FIBCD1: variants seen among roughly 807,000 people sequenced by gnomAD.
The protein encoded by FIBCD1 is fibrinogen C domain containing 1.
Under a neutral mutation model 45.1 loss-of-function variants are expected in FIBCD1, and 47 were observed. The ratio of observed to expected loss-of-function variants is 1.04; its 90% CI spans 0.82 to 1.33. The LOEUF (loss-of-function observed/expected upper bound fraction) is 1.33, where lower values mean the gene tolerates loss of function less well. Among genes scored for constraint, FIBCD1 ranks in the 40% most tolerant of loss-of-function variants. FIBCD1 has a pLI of 0.00. For synonymous variants in FIBCD1, 313 were observed against 308.1 expected (o/e 1.02, Z -0.17); for missense variants, 653 against 682.2 (o/e 0.96, Z 0.48).
At chr9:130,928,068 T>C (rs868593148) in intron 2 of FIBCD1, among the ~76,000 whole-genome samples, 9 of 152,146 alleles carry the variant, frequency 5.9e-5, no homozygotes, top group Admixed American at 2.6e-4. Flanking sequence ...TCTGGGAAGC[T>C]TGGAAGGGAG....
chr9:130,939,351 G>A (rs998392096), upstream of FIBCD1: 1 of 152,202 alleles, frequency 6.6e-6, no homozygotes, highest in African/African-American at 2.4e-5. Flanking sequence ...AGGCTGCGCC[G>A]GGGGCAGTTT....
chr9:130,904,473 G>A (rs1486406173), intron 6 of FIBCD1, 150 bp from the exon 7 acceptor site: 13 of 1,136,808 alleles, frequency 1.1e-5, no homozygotes, highest in South Asian at 4.7e-5. Context: ...TGCTGTGCAC[G>A]CGTGCAAGCG....
rs762931223 is a variant in FIBCD1 at position 130,911,781 on chromosome 9, G to C, written c.946+11C>G. 6.3e-7 allele frequency: 1 copy of C among 1,590,254 alleles called. No individual in the cohort carries two copies. The highest frequency in any genetic ancestry group is 8.6e-7 in the Non-Finnish European group (1 of 1,169,362). On this transcript the variant is annotated intron_variant, in intron 5 of 6. Coordinates refer to ENST00000372338, the MANE Select transcript of FIBCD1 (RefSeq NM_032843.5). ...GGCCCACCTGGGCCGGATGGTGGGT[G>C]GGGTGCTCACCTAGCCAGTGCTCCC... is the stretch of plus-strand genomic sequence containing the variant.
Position 130,938,575 on chromosome 9 carries a change from G to T in FIBCD1, c.33C>A (p.Gly11=). 6.7e-7 allele frequency: 1 copy of T among 1,488,844 alleles called. No homozygotes were observed. Among genetic ancestry groups the T allele is most frequent in the Non-Finnish European group, 8.9e-7 (1 of 1,124,484 alleles). The allele number at this position is 1,488,844 out of a possible 1,614,324, so 92.2% of individuals were successfully genotyped here. A position where few individuals can be genotyped will look rare whatever the true frequency, so the allele number is the denominator to read the frequency against. The part of the protein sequence containing the change: MVNDRWKTMG[G]AAQLEDRPRD... ...GCGGCCGGTCCTCAAGTTGGGCAGCGCCGCCCATGGTCTTCCACCGGTCGT... is the reference window on the plus strand; with the variant it reads ...GCGGCCGGTCCTCAAGTTGGGCAGCTCCGCCCATGGTCTTCCACCGGTCGT... The change falls in exon 1 of 7, where the codon GGC becomes GGA. Residue 11 remains glycine, a synonymous_variant. Coordinates refer to ENST00000372338, the MANE Select transcript of FIBCD1 (RefSeq NM_032843.5).
rs769160164 is a variant in FIBCD1 at position 130,924,415 on chromosome 9, G to A, written c.553-19C>T. ...AGAGAAGCTGCGGAGCACAGGGGGTGAGCCGAGGGGGCAGGGGCTCTGTTG... is the reference window on the plus strand; with the variant it reads ...AGAGAAGCTGCGGAGCACAGGGGGTAAGCCGAGGGGGCAGGGGCTCTGTTG... On this transcript the variant is annotated intron_variant, in intron 2 of 6. Coordinates refer to ENST00000372338, the MANE Select transcript of FIBCD1 (RefSeq NM_032843.5). The A allele has an allele frequency of 2.5e-6, 4 of 1,596,064 alleles. No individual in the cohort carries two copies. The East Asian group carries it at 6.8e-5, about 27-fold the overall frequency.
chr9:130,915,896 C>T (rs536359368), intron 4 of FIBCD1, among the ~76,000 whole-genome samples: 69 of 152,320 alleles, frequency 4.5e-4, no homozygotes, highest in Middle Eastern at 3.4e-3. Flanking sequence ...CGCATCCAGA[C>T]TCCAGACTTA....
At chr9:130,938,333 G>A (rs1297433021) in intron 1 of FIBCD1, 3 of 448,466 alleles carry the variant, frequency 6.7e-6, no homozygotes, top group Non-Finnish European at 1.2e-5. Context: ...GGCTCCTGCA[G>A]GGGTGCCGCC....
At chr9:130,912,671 C>A (rs947939509) in intron 4 of FIBCD1, among the ~76,000 whole-genome samples, 3 of 150,452 alleles carry the variant, frequency 2.0e-5, no homozygotes, top group African/African-American at 7.4e-5. Flanking sequence ...CATGCCACTA[C>A]ACTCCAGCCT....
At chr9:130,915,020 T>C (rs1034734191) in intron 4 of FIBCD1, among the ~76,000 whole-genome samples, 1 of 152,196 alleles carries the variant, frequency 6.6e-6, no homozygotes, top group African/African-American at 2.4e-5. Context: ...GCCGACTACA[T>C]CTTGTGCCCT....
At chr9:130,904,639 G>A (rs968535136) in intron 6 of FIBCD1, among the ~76,000 whole-genome samples, 7 of 149,260 alleles carry the variant, frequency 4.7e-5, no homozygotes, top group Non-Finnish European at 1.1e-4. Context: ...CTCGGCCTGA[G>A]AGGGGAAACC....
Position 130,903,720 on chromosome 9 carries a change from G to A in FIBCD1, c.*344C>T, listed in dbSNP as rs566489846. 38 of 440,968 alleles carry A rather than the reference G, an allele frequency of 8.6e-5. No homozygotes were observed. The highest frequency in any genetic ancestry group is 7.0e-4 in the African/African-American group (35 of 50,106). The allele number at this position is 440,968 out of a possible 1,614,324, so 27.3% of individuals were successfully genotyped here. On this transcript the variant is annotated 3_prime_UTR_variant, in exon 7 of 7. Transcript: ENST00000372338. Reference sequence around the variant, plus strand: ...TAATGCCGGGTATTTGGCCGGGCAGGGCAGAGGGTGCCTGGGGCAGACTCC... The same window carrying A: ...TAATGCCGGGTATTTGGCCGGGCAGAGCAGAGGGTGCCTGGGGCAGACTCC...
chr9:130,937,857 C>A (rs1323831940), intron 1 of FIBCD1, among the ~76,000 whole-genome samples: 1 of 152,198 alleles, frequency 6.6e-6, no homozygotes, highest in Non-Finnish European at 1.5e-5. Context: ...CCTCCACTGC[C>A]CCTGAAGAGG....
chr9:130,932,779 A>G (rs576032960), intron 1 of FIBCD1, among the ~76,000 whole-genome samples: 145 of 152,298 alleles, frequency 9.5e-4, no homozygotes, highest in Middle Eastern at 3.4e-3. Flanking sequence ...CAGGGCCGCT[A>G]ACTGGGCCGT....
chr9:130,919,306 A>G (rs1000202996), intron 4 of FIBCD1, among the ~76,000 whole-genome samples: 7 of 152,198 alleles, frequency 4.6e-5, no homozygotes, highest in Non-Finnish European at 1.0e-4. Flanking sequence ...TCTGAGGACC[A>G]TTCCCCAGGC....
intron 1 of FIBCD1, among the ~76,000 whole-genome samples, chr9:130,931,515 C>CAAAAAA (rs1250740400): frequency 1.4e-5 from 2 of 146,862 alleles, no homozygotes; most frequent in Non-Finnish European, 3.0e-5. Flanking sequence ...CTCAAAAAAA[C>CAAAAAA]AAAAAACAAA....
chr9:130,922,661 C>T lies in FIBCD1; in HGVS notation c.849+1083G>A, dbSNP rs894076640. 8.5e-5 allele frequency among the ~76,000 whole-genome samples: 13 copies of T among 152,244 alleles called. No homozygotes were observed. Among genetic ancestry groups the T allele is most frequent in the African/African-American group, 3.1e-4 (13 of 41,528 alleles). ...TCTCCCCACTGCCCAAGGATGCACACCGCCAAGTCACCTCTCCTGAAGCAC... is the reference window on the plus strand; with the variant it reads ...TCTCCCCACTGCCCAAGGATGCACATCGCCAAGTCACCTCTCCTGAAGCAC... On this transcript the variant is annotated intron_variant, in intron 4 of 6. Transcript: ENST00000372338. This position sits in a 1 kb window ranked among gnomAD's most constrained non-coding sequence, Gnocchi z 4.5.
chr9:130,913,300 C>T (rs191639608), intron 4 of FIBCD1, among the ~76,000 whole-genome samples: 5 of 150,068 alleles, frequency 3.3e-5, no homozygotes, highest in African/African-American at 5.0e-5. Context: ...GCAGCGCCCG[C>T]GGCCCGGCCG....
Position 130,903,493 on chromosome 9 carries a change from A to G in FIBCD1, c.*571T>C. 1 of 182,280 alleles carries G rather than the reference A, an allele frequency of 5.5e-6. No homozygotes were observed. Among genetic ancestry groups the G allele is most frequent in the Non-Finnish European group, 1.2e-5 (1 of 86,438 alleles). 11.3% of individuals were successfully genotyped at this position (182,280 alleles called of 1,614,324 possible). A position where few individuals can be genotyped will look rare whatever the true frequency, so the allele number is the denominator to read the frequency against. On this transcript the variant is annotated 3_prime_UTR_variant, in exon 7 of 7. Coordinates refer to ENST00000372338, the MANE Select transcript of FIBCD1 (RefSeq NM_032843.5). Reference sequence around the variant, plus strand: ...CATCCTGACCTCAGGGCCTGGTAGGATGGGGCCACCCAGCCCACAGCCAGG... The same window carrying G: ...CATCCTGACCTCAGGGCCTGGTAGGGTGGGGCCACCCAGCCCACAGCCAGG...
intron 6 of FIBCD1, among the ~76,000 whole-genome samples, chr9:130,904,898 C>T (rs964300969): frequency 5.3e-5 from 8 of 152,172 alleles, no homozygotes; most frequent in African/African-American, 1.9e-4. Flanking sequence ...ACAGAAGATT[C>T]GCAGAAGCTC....
Sources: gnomAD v4.1 joint callset for allele counts (sites outside exome capture counted in the v4.1 genomes callset) on GRCh38, gnomAD v4.1.1 for gene constraint, Gnocchi (gnomAD v3.1) non-coding constraint, MANE v1.5 for transcripts, NCBI Gene and HGNC (gene_info 2026-07-23, HGNC 2026-07-21) for gene names.